EBF1: variants seen among roughly 807,000 people sequenced by gnomAD.
EBF1 encodes the protein transcription factor COE1.
EBF1 carries 10 observed loss-of-function variants against 68.4 expected under a neutral mutation model. The ratio of observed to expected loss-of-function variants is 0.15; its 90% CI spans 0.09 to 0.25. EBF1 has a LOEUF of 0.25. Ranked by LOEUF, EBF1 falls within the 10% of genes least tolerant of loss-of-function variation. The pLI is 1.00. For missense variants in EBF1, 509 were observed against 794.4 expected (o/e 0.64, Z 4.32); for synonymous variants, 298 against 299.8 (o/e 0.99, Z 0.06).
chr5:158,921,049 C>T (rs1808313911), intron 6 of EBF1, among the ~76,000 whole-genome samples: 1 of 152,216 alleles, frequency 6.6e-6, no homozygotes, highest in Non-Finnish European at 1.5e-5. Flanking sequence ...AGTGCTTAGA[C>T]TTGTAGAGAG....
intron 6 of EBF1, among the ~76,000 whole-genome samples, chr5:158,898,605 A>G (rs1430705625): frequency 6.6e-6 from 1 of 152,318 alleles, no homozygotes; most frequent in East Asian, 1.9e-4. Context: ...GTTGGGTATA[A>G]ATTCACATCA....
At chr5:158,906,406 A>G (rs188103108) in intron 6 of EBF1, among the ~76,000 whole-genome samples, 22 of 152,186 alleles carry the variant, frequency 1.4e-4, no homozygotes, top group African/African-American at 5.3e-4. Context: ...CAGGCAAACC[A>G]TTCTATACAA....
chr5:158,933,996 A>AT (rs1332434100), intron 6 of EBF1, among the ~76,000 whole-genome samples: 2 of 152,190 alleles, frequency 1.3e-5, no homozygotes, highest in African/African-American at 4.8e-5. Context: ...TTACACAAAA[A>AT]CGAAACTTGC....
chr5:159,061,394 G>A (rs1775790349), intron 6 of EBF1, among the ~76,000 whole-genome samples: 1 of 151,636 alleles, frequency 6.6e-6, no homozygotes, highest in Admixed American at 6.6e-5. Flanking sequence ...ACGAGAATTT[G>A]ATTGTGGAGA....
intron 6 of EBF1, among the ~76,000 whole-genome samples, chr5:158,892,346 G>A (rs1411598899): frequency 9.2e-5 from 14 of 152,048 alleles, no homozygotes; most frequent in African/African-American, 2.2e-4. Context: ...AAAACTAGCC[G>A]GTTGTGGTGG....
At chr5:158,958,597 T>C (rs1817584175) in intron 6 of EBF1, among the ~76,000 whole-genome samples, 1 of 152,162 alleles carries the variant, frequency 6.6e-6, no homozygotes, top group Admixed American at 6.5e-5. Flanking sequence ...GCTATCGCTA[T>C]TACCTAAATT....
chr5:159,086,443 A>G (rs1780650547), intron 4 of EBF1, among the ~76,000 whole-genome samples: 1 of 152,222 alleles, frequency 6.6e-6, no homozygotes, highest in Admixed American at 6.5e-5. Context: ...GCATCCAGTT[A>G]TCACGTCTCC....
At chr5:158,730,417 G>C in intron 11 of EBF1, among the ~76,000 whole-genome samples, 1 of 152,218 alleles carries the variant, frequency 6.6e-6, no homozygotes, top group South Asian at 2.1e-4. Context: ...AGTCAATAAA[G>C]GTCAGTTTCC....
At chr5:158,774,748 C>A (rs1774723630) in intron 10 of EBF1, among the ~76,000 whole-genome samples, 1 of 152,056 alleles carries the variant, frequency 6.6e-6, no homozygotes, top group Admixed American at 6.6e-5. Flanking sequence ...ATCACAGAGG[C>A]CAGTAGCCCC....
At chr5:158,969,330 A>C (rs887293762) in intron 6 of EBF1, among the ~76,000 whole-genome samples, 107 of 152,288 alleles carry the variant, frequency 7.0e-4, no homozygotes, top group African/African-American at 2.5e-3. Context: ...GCTCCTCAGG[A>C]AGCATTTGTA....
chr5:158,875,056 T>TACACACACACACACAC (rs3035121), intron 6 of EBF1, among the ~76,000 whole-genome samples: 12 of 147,302 alleles, frequency 8.1e-5, no homozygotes, highest in African/African-American at 3.0e-4. Context: ...CACACACACA[T>TACACACACACACACAC]ACACACACAC....
intron 1 of EBF1, among the ~76,000 whole-genome samples, chr5:159,098,557 AAG>A (rs1193671905): frequency 1.3e-5 from 2 of 151,996 alleles, no homozygotes; most frequent in Non-Finnish European, 2.9e-5. Flanking sequence ...GGAAAGGAGA[AAG>A]AGGAGAAAGG....
intron 6 of EBF1, among the ~76,000 whole-genome samples, chr5:158,887,104 CA>C (rs2128101675): frequency 1.3e-5 from 2 of 152,286 alleles, no homozygotes; most frequent in African/African-American, 4.8e-5. Context: ...CTTTTTTGGG[CA>C]CACCAATTGG....
At chr5:158,924,357 A>G (rs1809115742) in intron 6 of EBF1, among the ~76,000 whole-genome samples, 1 of 152,164 alleles carries the variant, frequency 6.6e-6, no homozygotes, top group Non-Finnish European at 1.5e-5. Context: ...AGTGTGTTGC[A>G]AAAGCCACAT....
intron 12 of EBF1, among the ~76,000 whole-genome samples, chr5:158,713,603 C>T (rs1441561211): frequency 1.3e-5 from 2 of 152,192 alleles, no homozygotes; most frequent in Non-Finnish European, 2.9e-5. Flanking sequence ...TGACTACCTG[C>T]ATTACTGAGT....
chr5:158,814,745 A>G (rs1783386584), intron 8 of EBF1, among the ~76,000 whole-genome samples: 1 of 152,134 alleles, frequency 6.6e-6, no homozygotes, highest in South Asian at 2.1e-4. Flanking sequence ...TTCTAGGGAG[A>G]TGAGTTAGGA....
chr5:158,722,967 C>T (rs1399858198), intron 11 of EBF1, among the ~76,000 whole-genome samples: 1 of 152,154 alleles, frequency 6.6e-6, no homozygotes, highest in Admixed American at 6.5e-5. Context: ...ATGTTCAATG[C>T]CCCTGTATGC....
chr5:158,773,966 TTAGA>T (rs1774475488), intron 10 of EBF1, among the ~76,000 whole-genome samples: 1 of 152,178 alleles, frequency 6.6e-6, no homozygotes, highest in African/African-American at 2.4e-5. Context: ...AATCCTGTGA[TTAGA>T]TAGTGTTTTT....
chr5:158,877,665 G>C (rs1388630157), intron 6 of EBF1, among the ~76,000 whole-genome samples: 1 of 151,778 alleles, frequency 6.6e-6, no homozygotes. Context: ...GTGACCCTGA[G>C]TTATGATAAT....
Sources: gnomAD v4.1 joint callset for allele counts (sites outside exome capture counted in the v4.1 genomes callset) on GRCh38, gnomAD v4.1.1 for gene constraint, MANE v1.5 for transcripts, NCBI Gene and HGNC (gene_info 2026-07-23, HGNC 2026-07-21) for gene names.